Variants in DCP1B observed in about 807,000 individuals in gnomAD.
DCP1B encodes decapping mRNA 1B.
In DCP1B, 47 loss-of-function variants were observed where a neutral mutation model predicts 60.5. That is an observed-to-expected ratio of 0.78 (90% CI 0.61 to 0.99). The LOEUF (loss-of-function observed/expected upper bound fraction) is 0.99, where lower values mean the gene tolerates loss of function less well. Among genes scored for constraint, DCP1B ranks in the 50% least tolerant of loss-of-function variants. The pLI, the probability that DCP1B is intolerant of heterozygous loss-of-function variation, is 0.00. For missense variants in DCP1B, 725 were observed against 756.8 expected (o/e 0.96, Z 0.49); for synonymous variants, 267 against 280.3 (o/e 0.95, Z 0.47).
chr12:1,978,600 A>G (rs540130340), intron 3 of DCP1B, among the ~76,000 whole-genome samples: 1 of 152,314 alleles, frequency 6.6e-6, no homozygotes, highest in Middle Eastern at 3.4e-3. Context: ...GTTGGCAATA[A>G]AACACTCTTA....
intron 3 of DCP1B, among the ~76,000 whole-genome samples, chr12:1,989,604 C>T (rs1374681059): frequency 6.6e-6 from 1 of 152,086 alleles, no homozygotes; most frequent in East Asian, 2.0e-4. Flanking sequence ...ATCCCAGCTA[C>T]TCAGAGGCTG....
chr12:1,987,303 T>A (rs1315586666), intron 3 of DCP1B, among the ~76,000 whole-genome samples: 1 of 152,234 alleles, frequency 6.6e-6, no homozygotes. Flanking sequence ...ACTAGTATGC[T>A]ACTCTTAAAC....
chr12:1,990,440 CTATT>C lies in DCP1B; in HGVS notation c.319+2820_319+2823del, dbSNP rs565533092. On this transcript the variant is annotated intron_variant, in intron 3 of 8. Transcript: ENST00000280665. ...TATTTTGTGTTTGAATGAAGTTACTCTATTTATCAAGCATCTTTTTTTGGCTGAT... is the reference window on the plus strand; with the variant it reads ...TATTTTGTGTTTGAATGAAGTTACTCTATCAAGCATCTTTTTTTGGCTGAT... Among the ~76,000 whole-genome samples the C allele has an allele frequency of 1.4e-3, 216 of 152,278 alleles. 3 individuals are homozygous for C. The highest frequency in any genetic ancestry group is 2.5e-3 in the Admixed American group (39 of 15,300).
chr12:1,968,001 C>A, intron 3 of DCP1B, 91 bp from the exon 4 acceptor site: 1 of 983,042 alleles, frequency 1.0e-6, no homozygotes. Context: ...ACATAATAAT[C>A]TATGTGTTAA....
At chr12:2,002,183 A>AT (rs1308976959) in intron 1 of DCP1B, among the ~76,000 whole-genome samples, 2 of 152,138 alleles carry the variant, frequency 1.3e-5, no homozygotes, top group Non-Finnish European at 2.9e-5. Flanking sequence ...TTTCAGGGCA[A>AT]TAAGAATTCC....
At chr12:1,998,269 T>C (rs2041408678) in intron 1 of DCP1B, among the ~76,000 whole-genome samples, 1 of 152,184 alleles carries the variant, frequency 6.6e-6, no homozygotes, top group Non-Finnish European at 1.5e-5. Flanking sequence ...AATGAGAAAA[T>C]AAGTGTGCTA....
Position 1,965,000 on chromosome 12 carries a change from A to G in DCP1B, c.522+558T>C, listed in dbSNP as rs113766490. ...ACTCAACTTGTCTAGATCAGAGAGT[A>G]AGGGAGAAGTGGGGAGGGGAGGGGA... On this transcript the variant is annotated intron_variant, in intron 5 of 8. Transcript: ENST00000280665. 1.6e-3 allele frequency among the ~76,000 whole-genome samples: 242 copies of G among 152,202 alleles called. 3 individuals carry two copies. Among genetic ancestry groups the G allele is most frequent in the African/African-American group, 5.3e-3 (221 of 41,536 alleles).
rs1303097959 is a variant in DCP1B at position 1,979,179 on chromosome 12, AT to A, written c.320-11270del. Among the ~76,000 whole-genome samples, 41 of 152,072 alleles carry A rather than the reference AT, an allele frequency of 2.7e-4. 1 individual carries two copies. The highest frequency in any genetic ancestry group is 9.4e-4 in the African/African-American group (39 of 41,490). ...ACGTGCCCGCCATCGAGCCTGGCTA[AT>A]TTTTTTTATTTTTAGTAGAGATGGG... is the stretch of plus-strand genomic sequence containing the variant. On this transcript the variant is annotated intron_variant, in intron 3 of 8. Coordinates refer to ENST00000280665, the MANE Select transcript of DCP1B (RefSeq NM_152640.5).
At chr12:1,980,796 G>A (rs182607237) in intron 3 of DCP1B, among the ~76,000 whole-genome samples, 16 of 151,780 alleles carry the variant, frequency 1.1e-4, no homozygotes, top group Admixed American at 3.9e-4. Context: ...TAAACCACAC[G>A]GCCATGGTTT....
At chr12:1,951,676 G>A (rs541130373) in intron 7 of DCP1B, among the ~76,000 whole-genome samples, 1 of 152,312 alleles carries the variant, frequency 6.6e-6, no homozygotes, top group African/African-American at 2.4e-5. Context: ...GAAATAGGCT[G>A]TTTTTTGTTT....
At chr12:1,949,612 G>C (rs114182015) in intron 7 of DCP1B, among the ~76,000 whole-genome samples, 1 of 152,166 alleles carries the variant, frequency 6.6e-6, no homozygotes, top group East Asian at 1.9e-4. Context: ...CCAGTATTTG[G>C]CAAGTGCATT....
intron 8 of DCP1B, among the ~76,000 whole-genome samples, chr12:1,946,697 T>C (rs1425867768): frequency 6.6e-6 from 1 of 152,158 alleles, no homozygotes; most frequent in East Asian, 1.9e-4. Context: ...TGTTTTTTTG[T>C]TTCTTGTTTT....
chr12:1,979,312 A>G (rs1355643997), intron 3 of DCP1B, among the ~76,000 whole-genome samples: 4 of 138,830 alleles, frequency 2.9e-5, no homozygotes, highest in African/African-American at 1.1e-4. Flanking sequence ...CAGCGCCTGG[A>G]TTTTTTGTTT....
At chr12:1,941,722 T>C (rs1293472895), downstream of DCP1B, among the ~76,000 whole-genome samples, 1 of 152,240 alleles carries the variant, frequency 6.6e-6, no homozygotes, top group Non-Finnish European at 1.5e-5. Context: ...TTCTGTTTGT[T>C]AGTTTTCCTT....
At chr12:1,990,593 A>G (rs2154473292) in intron 3 of DCP1B, among the ~76,000 whole-genome samples, 1 of 152,296 alleles carries the variant, frequency 6.6e-6, no homozygotes. Flanking sequence ...AACCTCTATC[A>G]ATTCTACCTT....
At chr12:2,000,627 G>T (rs1288166417) in intron 1 of DCP1B, among the ~76,000 whole-genome samples, 1 of 152,192 alleles carries the variant, frequency 6.6e-6, no homozygotes, top group Non-Finnish European at 1.5e-5. Flanking sequence ...ATATGAGTTT[G>T]TTCATAGGAA....
intron 3 of DCP1B, among the ~76,000 whole-genome samples, chr12:1,987,447 A>G (rs948162973): frequency 6.6e-6 from 1 of 152,246 alleles, no homozygotes; most frequent in African/African-American, 2.4e-5. Flanking sequence ...TAAAAATAAT[A>G]CATGTACATA....
intron 2 of DCP1B, among the ~76,000 whole-genome samples, chr12:1,994,439 T>C (rs2040303812): frequency 6.6e-6 from 1 of 152,216 alleles, no homozygotes; most frequent in Admixed American, 6.5e-5. Flanking sequence ...ACCTCCAATT[T>C]TAAAATTGAT....
At chr12:1,966,576 A>AT (rs2031302915) in intron 4 of DCP1B, among the ~76,000 whole-genome samples, 1 of 152,202 alleles carries the variant, frequency 6.6e-6, no homozygotes, top group African/African-American at 2.4e-5. Flanking sequence ...TTGCTAGTAA[A>AT]TAATCAATTT....
Sources: gnomAD v4.1 joint callset for allele counts (sites outside exome capture counted in the v4.1 genomes callset) on GRCh38, gnomAD v4.1.1 for gene constraint, MANE v1.5 for transcripts, NCBI Gene and HGNC (gene_info 2026-07-23, HGNC 2026-07-21) for gene names.